The following SOCS2 variants were observed in gnomAD, a reference collection of about 807,000 sequenced individuals.
The protein encoded by SOCS2 is suppressor of cytokine signaling 2.
SOCS2 carries 10 observed loss-of-function variants against 18.6 expected under a neutral mutation model. That is an observed-to-expected ratio of 0.54 (90% confidence interval 0.33 to 0.91). The LOEUF (loss-of-function observed/expected upper bound fraction) is 0.91, where lower values mean the gene tolerates loss of function less well. Ranked by LOEUF, SOCS2 falls within the 40% of genes least tolerant of loss-of-function variation. SOCS2 has a pLI of 0.02. For synonymous variants in SOCS2, 104 were observed against 104.0 expected (o/e 1.00, Z 0.00); for missense variants, 231 against 247.2 (o/e 0.93, Z 0.44).
the SOCS2 span, among the ~76,000 whole-genome samples, chr12:93,605,895 T>C: frequency 2.0e-5 from 3 of 152,204 alleles, no homozygotes; most frequent in Admixed American, 6.5e-5. Context: ...GCCAAGTACT[T>C]TACTTCAGAT....
chr12:93,573,443 G>A (rs1284684935), intron 1 of SOCS2: 2 of 379,222 alleles, frequency 5.3e-6, no homozygotes, highest in Non-Finnish European at 9.3e-6. Context: ...CTCCCGGGCG[G>A]AGCTGCGGCT....
At chr12:93,617,722 T>C in the SOCS2 span, among the ~76,000 whole-genome samples, 1 of 152,174 alleles carries the variant, frequency 6.6e-6, no homozygotes, top group Non-Finnish European at 1.5e-5. Context: ...TTTCACAATC[T>C]TCCAGGAGCC....
At chr12:93,579,905 T>G (rs939169002), downstream of SOCS2, among the ~76,000 whole-genome samples, 13 of 152,254 alleles carry the variant, frequency 8.5e-5, no homozygotes, top group African/African-American at 3.1e-4. Flanking sequence ...TAAAACTAAC[T>G]GCTTTTACAG....
upstream of SOCS2, chr12:93,571,616 G>A (rs1463769052): frequency 1.4e-5 from 3 of 211,660 alleles, no homozygotes; most frequent in African/African-American, 7.2e-5. Flanking sequence ...GAGAGTGGAG[G>A]TGTCCCAGCC....
the SOCS2 span, among the ~76,000 whole-genome samples, chr12:93,602,047 T>C: frequency 6.6e-6 from 1 of 152,160 alleles, no homozygotes; most frequent in Non-Finnish European, 1.5e-5. Flanking sequence ...GATTGCAAGA[T>C]GGGGCCAAGA....
At chr12:93,614,747 T>A in the SOCS2 span, among the ~76,000 whole-genome samples, 11 of 150,452 alleles carry the variant, frequency 7.3e-5, no homozygotes, top group African/African-American at 2.7e-4. Flanking sequence ...CCCGAGCAGC[T>A]GGCATTACAG....
chr12:93,583,536 C>G (rs1433991041), downstream of SOCS2: 1 of 152,122 alleles, frequency 6.6e-6, no homozygotes, highest in East Asian at 1.9e-4. Context: ...TTTCCTGGAT[C>G]TCTCTTAAAG....
At chr12:93,587,431 T>C (rs865244), downstream of SOCS2, among the ~76,000 whole-genome samples, 2 of 151,878 alleles carry the variant, frequency 1.3e-5, no homozygotes, top group Non-Finnish European at 2.9e-5. Context: ...CCTGTAATCC[T>C]AGCACTTTGG....
chr12:93,600,660 C>T, the SOCS2 span, among the ~76,000 whole-genome samples: 1 of 151,130 alleles, frequency 6.6e-6, no homozygotes, highest in Non-Finnish European at 1.5e-5. Flanking sequence ...AATCAAGCTT[C>T]ACTTCATAAT....
chr12:93,605,020 T>A, the SOCS2 span, among the ~76,000 whole-genome samples: 2 of 151,866 alleles, frequency 1.3e-5, no homozygotes, highest in African/African-American at 4.8e-5. Flanking sequence ...TTTTAGGAAA[T>A]AAGCAGCCAT....
the SOCS2 span, among the ~76,000 whole-genome samples, chr12:93,607,741 C>T: frequency 4.6e-5 from 7 of 152,186 alleles, no homozygotes; most frequent in South Asian, 2.1e-4. Flanking sequence ...AATAAAAATA[C>T]GCTGTCATTT....
downstream of SOCS2, among the ~76,000 whole-genome samples, chr12:93,584,019 G>A (rs1007250909): frequency 6.6e-6 from 1 of 152,326 alleles, no homozygotes; most frequent in Middle Eastern, 3.4e-3. Flanking sequence ...AATAGAGTAA[G>A]TGTTCCAATT....
At chr12:93,595,257 C>A in the SOCS2 span, among the ~76,000 whole-genome samples, 1 of 152,132 alleles carries the variant, frequency 6.6e-6, no homozygotes, top group Admixed American at 6.5e-5. Flanking sequence ...AAATGCTTCA[C>A]ATATTTTAAC....
intron 1 of SOCS2, 191 bp from the exon 2 acceptor site, chr12:93,574,531 G>A: frequency 2.2e-6 from 1 of 446,116 alleles, no homozygotes; most frequent in Non-Finnish European, 3.9e-6. Context: ...TCATAAAATG[G>A]ACCCAAATTT....
chr12:93,572,933 C>T lies in SOCS2; in HGVS notation c.36C>T (p.Gly12=). Reference sequence around the variant, plus strand: ...GGTGCCTTGAGCCCTCCGGGAATGGCGGGGAAGGGACGCGGAGCCAGTGGG... The same window carrying T: ...GGTGCCTTGAGCCCTCCGGGAATGGTGGGGAAGGGACGCGGAGCCAGTGGG... ...TLRCLEPSGN[G]GEGTRSQWGT... The change falls in exon 1 of 2, where the codon GGC becomes GGT. Residue 12 remains glycine (G), a synonymous_variant. Coordinates refer to ENST00000551556, the MANE Select transcript of SOCS2 (RefSeq NM_001270471.2). This position sits in a 1 kb window ranked among gnomAD's most constrained non-coding sequence, Gnocchi z 5.0. The T allele has an allele frequency of 6.4e-7, 1 of 1,572,784 alleles. No individual in the cohort carries two copies. Among genetic ancestry groups the T allele is most frequent in the Non-Finnish European group, 8.6e-7 (1 of 1,158,002 alleles).
intron 1 of SOCS2, among the ~76,000 whole-genome samples, chr12:93,582,572 C>A (rs1363813484): frequency 6.6e-6 from 1 of 152,124 alleles, no homozygotes. Flanking sequence ...CTGGAGTATG[C>A]GGCTTTGAGT....
the SOCS2 span, among the ~76,000 whole-genome samples, chr12:93,622,562 G>T: frequency 1.3e-5 from 2 of 151,996 alleles, no homozygotes; most frequent in African/African-American, 2.4e-5. Flanking sequence ...TCCTTATAAA[G>T]GAAACCTTTA....
At chr12:93,574,176 A>AGG (rs1954374214) in intron 1 of SOCS2, 1 of 150,460 alleles carries the variant, frequency 6.6e-6, no homozygotes, top group Non-Finnish European at 1.5e-5. Flanking sequence ...TCTACATAGA[A>AGG]GGCTGTTCAT....
At chr12:93,590,413 A>G in the SOCS2 span, among the ~76,000 whole-genome samples, 78 of 152,186 alleles carry the variant, frequency 5.1e-4, no homozygotes, top group African/African-American at 1.7e-3. Flanking sequence ...CTACTCTGGG[A>G]TTAATTTGAG....
Sources: allele counts gnomAD v4.1 joint callset (sites outside exome capture counted in the v4.1 genomes callset), GRCh38; gene constraint gnomAD v4.1.1; non-coding constraint Gnocchi (gnomAD v3.1); transcripts MANE v1.5; gene names NCBI Gene and HGNC (gene_info 2026-07-23, HGNC 2026-07-21).